The following ELP2 variants were observed in gnomAD, a reference collection of about 807,000 sequenced individuals.
ELP2 encodes elongator acetyltransferase complex subunit 2.
A neutral mutation model predicts 119.2 loss-of-function variants in ELP2; 90 were observed. The observed-to-expected ratio is 0.75, with a 90% CI of 0.64 to 0.90. The LOEUF (loss-of-function observed/expected upper bound fraction) is 0.90, where lower values mean the gene tolerates loss of function less well. Ranked by LOEUF, ELP2 falls within the 40% of genes least tolerant of loss-of-function variation. ELP2 has a pLI of 0.00. For missense variants in ELP2, 921 were observed against 967.8 expected, an observed-to-expected ratio of 0.95 and a Z score of 0.64; for synonymous variants, 339 against 331.0, an observed-to-expected ratio of 1.02 and a Z score of -0.26.
intron 2 of ELP2, 90 bp from the exon 3 acceptor site, chr18:36,136,217 A>G: frequency 1.1e-6 from 1 of 905,774 alleles, no homozygotes; most frequent in Non-Finnish European, 1.8e-6. Flanking sequence ...TAGAGGGTAC[A>G]GGGGTATTGT....
rs1167314254 is a variant in ELP2 at position 36,155,007 on chromosome 18, G to T, written c.1275+8G>T. On this transcript the variant is annotated splice_region_variant and intron_variant, in intron 12 of 21. Coordinates refer to ENST00000358232, the MANE Select transcript of ELP2 (RefSeq NM_018255.4). ...AGAAAAGACCAATCACAGGTAAAAT[G>T]TCTTATTTATTTATTTATTTTTTCT... The T allele has an allele frequency of 1.2e-6, 2 of 1,608,326 alleles. No homozygotes were observed. The highest frequency in any genetic ancestry group is 1.7e-6 in the Non-Finnish European group (2 of 1,175,046).
At chr18:36,152,069 G>GT (rs958750716) in intron 11 of ELP2, among the ~76,000 whole-genome samples, 1 of 151,420 alleles carries the variant, frequency 6.6e-6, no homozygotes, top group Non-Finnish European at 1.5e-5. Flanking sequence ...TTTTTTAATG[G>GT]TTTTTTTCCA....
At chr18:36,170,750 A>C in intron 20 of ELP2, 1 of 457,276 alleles carries the variant, frequency 2.2e-6, no homozygotes. Flanking sequence ...TAGGACTATA[A>C]TACTTTCTCT....
intron 11 of ELP2, among the ~76,000 whole-genome samples, chr18:36,146,896 C>T (rs2090223453): frequency 6.6e-6 from 1 of 152,082 alleles, no homozygotes; most frequent in African/African-American, 2.4e-5. Flanking sequence ...AGCATTCCTT[C>T]TCTTACTTTG....
Position 36,138,780 on chromosome 18 carries a change from T to A in ELP2, c.446-15T>A. 6.2e-7 allele frequency: 1 copy of A among 1,608,376 alleles called. No homozygotes were observed. Among genetic ancestry groups the A allele is most frequent in the Non-Finnish European group, 8.5e-7 (1 of 1,174,878 alleles). On this transcript the variant is annotated splice_polypyrimidine_tract_variant and intron_variant, in intron 4 of 21. Transcript: ENST00000358232. The stretch of plus-strand genomic sequence containing the variant: ...AGGTAGTTAGTTGTTCATTGTGTTT[T>A]TTATTATTTCTTAGTAATGTGCCTT...
At chr18:36,168,625 A>C (rs1252315798) in intron 19 of ELP2, among the ~76,000 whole-genome samples, 1 of 152,172 alleles carries the variant, frequency 6.6e-6, no homozygotes, top group African/African-American at 2.4e-5. Context: ...AACCGCCCCC[A>C]TGATCCTATT....
chr18:36,160,129 C>G, intron 16 of ELP2, 114 bp downstream of exon 16: 1 of 930,448 alleles, frequency 1.1e-6, no homozygotes, highest in Non-Finnish European at 1.8e-6. Flanking sequence ...CCTTTTTCCT[C>G]CTCTTCTATA....
intron 3 of ELP2, among the ~76,000 whole-genome samples, chr18:36,137,608 C>T (rs1258977289): frequency 6.6e-6 from 1 of 151,962 alleles, no homozygotes; most frequent in Non-Finnish European, 1.5e-5. Flanking sequence ...GAAGGGATGC[C>T]AGAGGGAATA....
At chr18:36,153,465 T>C (rs2090466581) in intron 11 of ELP2, among the ~76,000 whole-genome samples, 1 of 152,082 alleles carries the variant, frequency 6.6e-6, no homozygotes. Context: ...TTAACTTCTG[T>C]GAGCAAATGT....
At chr18:36,143,769 C>T (rs892100696) in intron 8 of ELP2, among the ~76,000 whole-genome samples, 4 of 152,068 alleles carry the variant, frequency 2.6e-5, no homozygotes, top group African/African-American at 9.7e-5. Flanking sequence ...TTCTTCTAAA[C>T]CATATTAGTA....
intron 1 of ELP2, among the ~76,000 whole-genome samples, chr18:36,131,056 C>G (rs2089601303): frequency 6.6e-6 from 1 of 151,906 alleles, no homozygotes; most frequent in African/African-American, 2.4e-5. Flanking sequence ...CGCCTGTAGT[C>G]CCAGCTACTC....
At chr18:36,162,625 A>C (rs896518769) in intron 17 of ELP2, among the ~76,000 whole-genome samples, 5 of 152,148 alleles carry the variant, frequency 3.3e-5, no homozygotes, top group Non-Finnish European at 7.3e-5. Context: ...TATATATTTA[A>C]AATTTTAAGA....
chr18:36,164,711 T>C lies in ELP2; in HGVS notation c.1954+44T>C, dbSNP rs1480426011. Reference sequence around the variant, plus strand: ...GGGAAAGTTATTAGTGAAACAGTTATGTTCATTTTATCTACATTAAGCAGC... The same window carrying C: ...GGGAAAGTTATTAGTGAAACAGTTACGTTCATTTTATCTACATTAAGCAGC... On this transcript the variant is annotated intron_variant, in intron 18 of 21. Transcript: ENST00000358232. 22 of 1,577,636 alleles carry C rather than the reference T, an allele frequency of 1.4e-5. No homozygotes were observed. In the Middle Eastern group the frequency reaches 7.0e-4, roughly 50 times the overall value.
rs1568041829 is a variant in ELP2 at position 36,178,584 on chromosome 18, C to T, written c.*3943C>T. 1.3e-5 allele frequency: 2 copies of T among 151,732 alleles called. No individual in the cohort carries two copies. The allele number at this position is 151,732 out of a possible 1,614,324, so 9.4% of individuals were successfully genotyped here. On this transcript the variant is annotated 3_prime_UTR_variant, in exon 22 of 22. Transcript: ENST00000358232. ...TGGATATTTGATGATATTAAGGAAACAACATTTAAACATATGACAGTGGGG... is the reference window on the plus strand; with the variant it reads ...TGGATATTTGATGATATTAAGGAAATAACATTTAAACATATGACAGTGGGG...
intron 5 of ELP2, chr18:36,139,760 G>A (rs2144610686): frequency 2.2e-6 from 1 of 463,540 alleles, no homozygotes; most frequent in South Asian, 7.0e-5. Context: ...GCTGCCCTTT[G>A]GTAATGCAAA....
intron 11 of ELP2, among the ~76,000 whole-genome samples, chr18:36,153,824 C>G (rs1011128338): frequency 6.6e-6 from 1 of 151,278 alleles, no homozygotes; most frequent in East Asian, 1.9e-4. Context: ...CAAAATTGAT[C>G]TGAAGGTACA....
intron 19 of ELP2, 27 bp from the exon 20 acceptor site, chr18:36,170,036 T>C (rs1338327943): frequency 1.2e-6 from 2 of 1,614,178 alleles, no homozygotes; most frequent in Admixed American, 3.3e-5. Flanking sequence ...AGAGAAGGCT[T>C]TACAGTGTGT....
rs2091251328 is a variant in ELP2, at chr18:36,177,464, A to G, written c.*2823A>G. 1 of 152,222 alleles carries G rather than the reference A, an allele frequency of 6.6e-6. No individual in the cohort carries two copies. Among genetic ancestry groups the G allele is most frequent in the Non-Finnish European group, 1.5e-5 (1 of 68,044 alleles). The allele number at this position is 152,222 out of a possible 1,614,324, so 9.4% of individuals were successfully genotyped here. A position where few individuals can be genotyped will look rare whatever the true frequency, so the allele number is the denominator to read the frequency against. On this transcript the variant is annotated 3_prime_UTR_variant, in exon 22 of 22. Transcript: ENST00000358232. ...AAGTATCTAGAGCAGTCAAATGCAT[A>G]GAAACAAGTAGAATGGTAGTTGCCA... is the stretch of plus-strand genomic sequence containing the variant.
intron 11 of ELP2, 134 bp downstream of exon 11, chr18:36,146,515 T>A: frequency 2.1e-6 from 2 of 933,060 alleles, no homozygotes; most frequent in Non-Finnish European, 3.3e-6. Context: ...CTTTTTTCTG[T>A]AGACATTGTT....
Sources: allele counts gnomAD v4.1 joint callset (sites outside exome capture counted in the v4.1 genomes callset), GRCh38; gene constraint gnomAD v4.1.1; transcripts MANE v1.5; gene names NCBI Gene and HGNC (gene_info 2026-07-23, HGNC 2026-07-21).